The following KIRREL3 variants were observed in gnomAD, a reference collection of about 807,000 sequenced individuals.
KIRREL3 encodes kirre like nephrin family adhesion molecule 3.
A neutral mutation model predicts 89.7 loss-of-function variants in KIRREL3; 36 were observed. That is an observed-to-expected ratio of 0.40 (90% CI 0.31 to 0.53). The LOEUF (loss-of-function observed/expected upper bound fraction) is 0.53, where lower values mean the gene tolerates loss of function less well. Ranked by LOEUF, KIRREL3 falls within the 20% of genes least tolerant of loss-of-function variation. The pLI is 0.49. For synonymous variants in KIRREL3, 445 were observed against 441.4 expected, an observed-to-expected ratio of 1.01 and a Z score of -0.10; for missense variants, 864 against 1,056.6, an observed-to-expected ratio of 0.82 and a Z score of 2.53.
chr11:126,617,785 A>G (rs1412284853), intron 1 of KIRREL3, among the ~76,000 whole-genome samples: 4 of 152,234 alleles, frequency 2.6e-5, no homozygotes, highest in African/African-American at 4.8e-5. Flanking sequence ...ACTTGCTCAA[A>G]GTCCCACTGT....
rs918538384 is a variant in KIRREL3 at position 126,778,883 on chromosome 11, C to T, written c.56-215971G>A. On this transcript the variant is annotated intron_variant, in intron 1 of 16. Transcript: ENST00000525144. This position sits in a 1 kb window ranked among gnomAD's most constrained non-coding sequence, Gnocchi z 4.5. ...TTTTATAGTCTACCAGGTAAATGTA[C>T]GCAGTTTTGGTAAGATGAGCTATGC... Among the ~76,000 whole-genome samples the T allele has an allele frequency of 2.6e-5, 4 of 152,116 alleles. No individual in the cohort carries two copies. Among genetic ancestry groups the T allele is most frequent in the African/African-American group, 7.2e-5 (3 of 41,426 alleles).
intron 1 of KIRREL3, among the ~76,000 whole-genome samples, chr11:126,781,011 C>G (rs1309443969): frequency 6.6e-6 from 1 of 152,158 alleles, no homozygotes; most frequent in African/African-American, 2.4e-5. Context: ...TCCCAGGCCT[C>G]TGGGCTGAAA....
rs749138315 is a variant in KIRREL3, at chr11:126,710,568, C to T, written c.56-147656G>A. ...TGGAGGACTATTTTGCTAAATGATG[C>T]ACCCTGTGAATAACCATCACCCCCA... is the stretch of plus-strand genomic sequence containing the variant. On this transcript the variant is annotated intron_variant, in intron 1 of 16. Coordinates refer to ENST00000525144, the MANE Select transcript of KIRREL3 (RefSeq NM_032531.4). This position sits in a 1 kb window ranked among gnomAD's most constrained non-coding sequence, Gnocchi z 4.2. Among the ~76,000 whole-genome samples, 3 of 152,152 alleles carry T rather than the reference C, an allele frequency of 2.0e-5. No homozygotes were observed. The highest frequency in any genetic ancestry group is 2.9e-5 in the Non-Finnish European group (2 of 68,036).
rs1044137395 is a variant in KIRREL3 at position 126,668,579 on chromosome 11, C to G, written c.56-105667G>C. ...GATGGCCTTTCTTCCTGTTCTTCCT[C>G]GTTAGTTTCTTCCCACTTCTCTAGG... On this transcript the variant is annotated intron_variant, in intron 1 of 16. Coordinates refer to ENST00000525144, the MANE Select transcript of KIRREL3 (RefSeq NM_032531.4). The surrounding 1 kb of genome is among the most constrained non-coding windows in gnomAD (Gnocchi z 4.4). Among the ~76,000 whole-genome samples the G allele has an allele frequency of 6.6e-6, 1 of 152,226 alleles. No homozygotes were observed. The highest frequency in any genetic ancestry group is 1.5e-5 in the Non-Finnish European group (1 of 68,000).
At chr11:126,972,155 C>T (rs1949439453) in intron 1 of KIRREL3, among the ~76,000 whole-genome samples, 1 of 73,892 alleles carries the variant, frequency 1.4e-5, no homozygotes, top group Non-Finnish European at 3.4e-5. Context: ...GGTGCCTATG[C>T]AAGAGGGTCT....
chr11:126,786,309 T>G (rs538594974), intron 1 of KIRREL3, among the ~76,000 whole-genome samples: 24 of 152,348 alleles, frequency 1.6e-4, no homozygotes, highest in Non-Finnish European at 2.8e-4. Flanking sequence ...ACCGAAATGC[T>G]AATAGTGTTT....
rs1944450584 is a variant in KIRREL3 at position 126,641,063 on chromosome 11, A to C, written c.56-78151T>G. Among the ~76,000 whole-genome samples, 1 of 152,134 alleles carries C rather than the reference A, an allele frequency of 6.6e-6. No individual in the cohort carries two copies. The highest frequency in any genetic ancestry group is 6.5e-5 in the Admixed American group (1 of 15,278). The stretch of plus-strand genomic sequence containing the variant: ...AAAAGAACTCCTGGTCTTCTCCCAC[A>C]GGCCTGCCCCTCTCACGGTCTTCTT... On this transcript the variant is annotated intron_variant, in intron 1 of 16. Coordinates refer to ENST00000525144, the MANE Select transcript of KIRREL3 (RefSeq NM_032531.4). The surrounding 1 kb of genome is among the most constrained non-coding windows in gnomAD (Gnocchi z 5.0).
At chr11:126,585,346 GC>G (rs1185187668) in intron 1 of KIRREL3, among the ~76,000 whole-genome samples, 1 of 138,730 alleles carries the variant, frequency 7.2e-6, no homozygotes, top group African/African-American at 2.8e-5. Context: ...TGATTCTTTT[GC>G]CACAGCCTCC....
intron 1 of KIRREL3, among the ~76,000 whole-genome samples, chr11:126,577,573 C>A (rs1482417057): frequency 7.1e-6 from 1 of 139,940 alleles, no homozygotes; most frequent in Non-Finnish European, 1.5e-5. Flanking sequence ...GTGGCGAAAC[C>A]CTGTCTCTAC....
chr11:126,731,780 G>C (rs10893558), intron 1 of KIRREL3, among the ~76,000 whole-genome samples: 38,547 of 152,222 alleles, frequency 0.25, 4,991 homozygotes, highest in Non-Finnish European at 0.27. Flanking sequence ...AATCACATGT[G>C]GTGGCTGCTG....
At chr11:126,728,325 G>A (rs1441208818) in intron 1 of KIRREL3, among the ~76,000 whole-genome samples, 1 of 152,158 alleles carries the variant, frequency 6.6e-6, no homozygotes, top group Non-Finnish European at 1.5e-5. Context: ...GGGGTGTCCT[G>A]GGGCTCAGTG....
At chr11:126,572,572 ACC>A (rs56397539) in intron 1 of KIRREL3, among the ~76,000 whole-genome samples, 24,860 of 139,872 alleles carry the variant, frequency 0.18, 2,370 homozygotes, top group East Asian at 0.39. Context: ...GGAAGAGGGG[ACC>A]CCCCCCCCGC....
intron 6 of KIRREL3, 32 bp from the exon 7 acceptor site, chr11:126,456,486 GAGAA>G: frequency 2.2e-6 from 3 of 1,381,510 alleles, no homozygotes; most frequent in Non-Finnish European, 3.0e-6. Flanking sequence ...TTGTAGACCG[GAGAA>G]AGAATGGGGG....
chr11:126,793,630 C>G (rs917603002), intron 1 of KIRREL3, among the ~76,000 whole-genome samples: 1 of 152,132 alleles, frequency 6.6e-6, no homozygotes, highest in Non-Finnish European at 1.5e-5. Context: ...ACAGGTCCTT[C>G]CTAAGAGGGA....
At position 126,562,408 on chromosome 11, in the gene KIRREL3, G is replaced by A. The variant is rs117810269; in HGVS notation, c.133+427C>T. On this transcript the variant is annotated intron_variant, in intron 2 of 16. Transcript: ENST00000525144. The surrounding 1 kb of genome is among the most constrained non-coding windows in gnomAD (Gnocchi z 4.7). Reference sequence around the variant, plus strand: ...AAAGACATTGCCATATTCTTCTTTGGTATTCTCCTAAGTGCCTGTATAGTG... The same window carrying A: ...AAAGACATTGCCATATTCTTCTTTGATATTCTCCTAAGTGCCTGTATAGTG... 0.026 allele frequency among the ~76,000 whole-genome samples: 3,957 copies of A among 152,246 alleles called. 81 individuals carry two copies. Among genetic ancestry groups the A allele is most frequent in the South Asian group, 0.051 (247 of 4,816 alleles).
chr11:126,932,745 T>A (rs1396691677), intron 1 of KIRREL3, among the ~76,000 whole-genome samples: 1 of 152,252 alleles, frequency 6.6e-6, no homozygotes, highest in Non-Finnish European at 1.5e-5. Flanking sequence ...AGCTTCTATG[T>A]GTTAGAAAAA....
At chr11:126,691,919 T>C (rs1946891709) in intron 1 of KIRREL3, among the ~76,000 whole-genome samples, 1 of 152,226 alleles carries the variant, frequency 6.6e-6, no homozygotes, top group African/African-American at 2.4e-5. Context: ...TGGAAAGATG[T>C]TAAACATCAC....
chr11:126,584,707 G>A (rs2004770), intron 1 of KIRREL3, among the ~76,000 whole-genome samples: 51,004 of 151,898 alleles, frequency 0.34, 8,631 homozygotes, highest in Admixed American at 0.4. Flanking sequence ...GTGGGGTGTC[G>A]TTTAGATCTG....
chr11:126,712,176 T>G (rs1353300418), intron 1 of KIRREL3, among the ~76,000 whole-genome samples: 1 of 151,946 alleles, frequency 6.6e-6, no homozygotes, highest in Non-Finnish European at 1.5e-5. Context: ...AGTCAGAGTT[T>G]GTTTGAATGT....
Sources: allele counts gnomAD v4.1 joint callset (sites outside exome capture counted in the v4.1 genomes callset), GRCh38; gene constraint gnomAD v4.1.1; non-coding constraint Gnocchi (gnomAD v3.1); transcripts MANE v1.5; gene names NCBI Gene and HGNC (gene_info 2026-07-23, HGNC 2026-07-21).